CELF2: variants seen among roughly 807,000 people sequenced by gnomAD.
CELF2 encodes CUG triplet repeat RNA-binding protein 2.
A neutral mutation model predicts 62.6 loss-of-function variants in CELF2; 8 were observed. The ratio of observed to expected loss-of-function variants is 0.13; its 90% CI spans 0.07 to 0.23. The LOEUF (loss-of-function observed/expected upper bound fraction) is 0.23, where lower values mean the gene tolerates loss of function less well. Ranked by LOEUF, CELF2 falls within the 10% of genes least tolerant of loss-of-function variation. The pLI is 1.00. For synonymous variants in CELF2, 258 were observed against 250.0 expected (o/e 1.03, Z -0.30); for missense variants, 333 against 671.0 (o/e 0.50, Z 5.56).
At chr10:11,123,531 T>C (rs2058138979) in intron 1 of CELF2, among the ~76,000 whole-genome samples, 1 of 152,128 alleles carries the variant, frequency 6.6e-6, no homozygotes, top group Non-Finnish European at 1.5e-5. Context: ...ATTATAGGTG[T>C]GAGCCACCAT....
the CELF2 span, chr10:10,792,402 T>G: frequency 2.5e-6 from 1 of 398,396 alleles, no homozygotes; most frequent in East Asian, 3.6e-5. Context: ...AGGGCAATAT[T>G]CCGGGTTAGG....
At chr10:10,701,428 T>A in the CELF2 span, among the ~76,000 whole-genome samples, 1 of 152,234 alleles carries the variant, frequency 6.6e-6, no homozygotes, top group Admixed American at 6.5e-5. Context: ...TCACATCAGA[T>A]TTCCATCACT....
chr10:10,746,632 A>G, the CELF2 span, among the ~76,000 whole-genome samples: 3 of 152,298 alleles, frequency 2.0e-5, no homozygotes, highest in South Asian at 4.1e-4. Flanking sequence ...AACAGAAACC[A>G]ACATTGTGAA....
chr10:11,004,421 G>A (rs905667518), upstream of CELF2, among the ~76,000 whole-genome samples: 17 of 144,220 alleles, frequency 1.2e-4, no homozygotes, highest in East Asian at 9.7e-4. This position sits in a 1 kb window ranked among gnomAD's most constrained non-coding sequence, Gnocchi z 5.0. Flanking sequence ...GTGTGCGCGC[G>A]CGTGTGTGTG....
chr10:10,793,590 A>G (rs2053975332), upstream of CELF2, among the ~76,000 whole-genome samples: 1 of 152,232 alleles, frequency 6.6e-6, no homozygotes, highest in African/African-American at 2.4e-5. Context: ...CATCAATATT[A>G]CCAACACTTA....
At chr10:11,114,655 C>G (rs1404310470) in intron 1 of CELF2, among the ~76,000 whole-genome samples, 2 of 152,194 alleles carry the variant, frequency 1.3e-5, no homozygotes, top group Non-Finnish European at 2.9e-5. Context: ...TGAAAGGGTT[C>G]TAATAAGTGA....
At chr10:11,016,522 A>G (rs1019421599), upstream of CELF2, among the ~76,000 whole-genome samples, 1 of 152,200 alleles carries the variant, frequency 6.6e-6, no homozygotes, top group Non-Finnish European at 1.5e-5. The surrounding 1 kb of genome is among the most constrained non-coding windows in gnomAD (Gnocchi z 5.2). Context: ...TGGATTTAAA[A>G]TTGATATGTA....
In CELF2 at chr10:11,207,714, G is replaced by A. The variant is rs562879801; in HGVS notation, c.272-9711G>A. Among the ~76,000 whole-genome samples, 13 of 152,338 alleles carry A rather than the reference G, an allele frequency of 8.5e-5. No homozygotes were observed. The South Asian group carries it at 2.1e-3, about 24-fold the overall frequency. On this transcript the variant is annotated intron_variant, in intron 2 of 12. Coordinates refer to ENST00000633077, the MANE Select transcript of CELF2 (RefSeq NM_001326342.2). This position sits in a 1 kb window ranked among gnomAD's most constrained non-coding sequence, Gnocchi z 4.1. ...GGAAGGCCCGATGGCAGCATCGCCCGTCAGCTTCCTAGGCAGTGGCCAGAT... is the reference window on the plus strand; with the variant it reads ...GGAAGGCCCGATGGCAGCATCGCCCATCAGCTTCCTAGGCAGTGGCCAGAT...
intron 1 of CELF2, among the ~76,000 whole-genome samples, chr10:11,150,324 A>C (rs984843271): frequency 6.6e-6 from 1 of 152,204 alleles, no homozygotes; most frequent in East Asian, 1.9e-4. Context: ...CAGCATAGCA[A>C]GTGTGTGCAC....
chr10:11,108,776 T>A (rs2054352571), intron 1 of CELF2, among the ~76,000 whole-genome samples: 1 of 152,218 alleles, frequency 6.6e-6, no homozygotes, highest in African/African-American at 2.4e-5. Context: ...CATTTACGTT[T>A]CTCTGATTAC....
the CELF2 span, among the ~76,000 whole-genome samples, chr10:10,541,224 C>A: frequency 7.7e-4 from 86 of 111,534 alleles, no homozygotes; most frequent in African/African-American, 3.0e-3. Context: ...GGCTGGGCGA[C>A]AGAATGAGAC....
At chr10:11,147,673 T>C (rs2062532930) in intron 1 of CELF2, among the ~76,000 whole-genome samples, 1 of 152,226 alleles carries the variant, frequency 6.6e-6, no homozygotes, top group Admixed American at 6.5e-5. Flanking sequence ...GCAAGGCAAG[T>C]GGATTCCTCT....
chr10:10,970,937 A>G (rs1046484949), intron 2 of CELF2: 7 of 152,230 alleles, frequency 4.6e-5, no homozygotes, highest in African/African-American at 9.6e-5. Context: ...TCAAAAAAAA[A>G]AATCCCATAG....
the CELF2 span, among the ~76,000 whole-genome samples, chr10:10,559,712 CCTAT>C: frequency 2.0e-5 from 3 of 152,094 alleles, no homozygotes; most frequent in African/African-American, 7.2e-5. Context: ...ATTTAAATGG[CCTAT>C]CTGAGAATTG....
At chr10:10,774,484 G>A in the CELF2 span, among the ~76,000 whole-genome samples, 37 of 152,148 alleles carry the variant, frequency 2.4e-4, no homozygotes, top group African/African-American at 6.5e-4. Flanking sequence ...CTTTGGTGCC[G>A]TTCTCATGAT....
At chr10:10,473,412 A>G in the CELF2 span, among the ~76,000 whole-genome samples, 3 of 152,054 alleles carry the variant, frequency 2.0e-5, no homozygotes, top group Non-Finnish European at 2.9e-5. Flanking sequence ...TCTGGCCTGT[A>G]GAACTGCGAT....
At chr10:10,504,719 G>GT in the CELF2 span, among the ~76,000 whole-genome samples, 27 of 150,406 alleles carry the variant, frequency 1.8e-4, no homozygotes, top group Admixed American at 4.0e-4. Context: ...CTGAGTCCAT[G>GT]TTTTTTTTTC....
At position 11,324,448 on chromosome 10, in the gene CELF2, T is replaced by A. The variant is rs1359818469; in HGVS notation, c.1295-1388T>A. Among the ~76,000 whole-genome samples the A allele has an allele frequency of 6.6e-6, 1 of 152,236 alleles. No homozygotes were observed. The highest frequency in any genetic ancestry group is 1.5e-5 in the Non-Finnish European group (1 of 68,038). On this transcript the variant is annotated intron_variant, in intron 11 of 12. Coordinates refer to ENST00000633077, the MANE Select transcript of CELF2 (RefSeq NM_001326342.2). The surrounding 1 kb of genome is among the most constrained non-coding windows in gnomAD (Gnocchi z 4.7). ...GATTCCCTTAAAACCAGAAAACATC[T>A]GGGGACCAAAGGCCCCCCTGCAATT... is the stretch of plus-strand genomic sequence containing the variant.
chr10:11,132,212 T>G (rs932242374), intron 1 of CELF2, among the ~76,000 whole-genome samples: 1 of 152,234 alleles, frequency 6.6e-6, no homozygotes, highest in African/African-American at 2.4e-5. Flanking sequence ...GCAAAGAATA[T>G]AAAACAAAGA....
Sources: allele counts gnomAD v4.1 joint callset (sites outside exome capture counted in the v4.1 genomes callset), GRCh38; gene constraint gnomAD v4.1.1; non-coding constraint Gnocchi (gnomAD v3.1); transcripts MANE v1.5; gene names NCBI Gene and HGNC (gene_info 2026-07-23, HGNC 2026-07-21).